Variants in HSH2D observed in about 807,000 individuals in gnomAD.
HSH2D encodes the protein hematopoietic SH2 domain containing, also known as hematopoietic SH2 domain-containing protein.
A neutral mutation model predicts 21.5 loss-of-function variants in HSH2D; 16 were observed. That is an observed-to-expected ratio of 0.74 (90% CI 0.50 to 1.13). The LOEUF (loss-of-function observed/expected upper bound fraction) is 1.13. Ranked by LOEUF, HSH2D falls within the 50% of genes most tolerant of loss-of-function variation. The probability of loss-of-function intolerance (pLI) is 0.00; values close to 1 mark genes in which losing one functional copy is unlikely to be tolerated. For missense variants in HSH2D, 418 were observed against 441.4 expected, an observed-to-expected ratio of 0.95 and a Z score of 0.47; for synonymous variants, 172 against 184.7, an observed-to-expected ratio of 0.93 and a Z score of 0.56.
At chr19:16,154,106 C>T (rs1430336559) in intron 4 of HSH2D, among the ~76,000 whole-genome samples, 2 of 142,536 alleles carry the variant, frequency 1.4e-5, no homozygotes, top group African/African-American at 5.1e-5. Context: ...ACCTAGCGCC[C>T]AAGAAACTGT....
rs530783563 is a variant in HSH2D, at chr19:16,137,276, A to C, written c.-324+3041A>C. ...ATGAGCACAGAGACAGAATAGGCTG[A>C]TATCAGCATCATCACTGTCCTCATC... On this transcript the variant is annotated intron_variant, in intron 1 of 7. Transcript: ENST00000616645. 5.3e-5 allele frequency among the ~76,000 whole-genome samples: 8 copies of C among 152,298 alleles called. No individual in the cohort carries two copies. In the East Asian group the frequency reaches 1.5e-3, roughly 29 times the overall value.
At chr19:16,154,244 G>A (rs562758410) in intron 4 of HSH2D, among the ~76,000 whole-genome samples, 155 bp from the exon 5 acceptor site, 154 of 152,228 alleles carry the variant, frequency 1.0e-3, no homozygotes, top group African/African-American at 3.6e-3. Context: ...AAATGGCTGT[G>A]GGTGGGGCAT....
Position 16,157,582 on chromosome 19 carries a change from C to T in HSH2D, c.847C>T (p.Pro283Ser), listed in dbSNP as rs779157796. ...SLKSPSQPQA[P>S]KDRKVPTRKA... The stretch of plus-strand genomic sequence containing the variant: ...CAAAAGCCCCTCACAGCCCCAGGCA[C>T]CAAAAGACAGAAAGGTCCCCACCAG... Residue 283 changes from proline (P) to serine (S), a missense_variant, in exon 6 of 6, where the codon CCA (proline) becomes TCA (serine). Coordinates refer to ENST00000613986, the MANE Select transcript of HSH2D (RefSeq NM_001382417.1). This position sits in a 1 kb window ranked among gnomAD's most constrained non-coding sequence, Gnocchi z 4.4. 1.2e-6 allele frequency: 2 copies of T among 1,613,916 alleles called. No homozygotes were observed. Among genetic ancestry groups the T allele is most frequent in the South Asian group, 2.2e-5 (2 of 91,086 alleles).
Position 16,154,697 on chromosome 19 carries a change from C to T in HSH2D, c.474+206C>T, listed in dbSNP as rs1205369506. 11 of 447,030 alleles carry T rather than the reference C, an allele frequency of 2.5e-5. No individual in the cohort carries two copies. The Admixed American group carries it at 2.7e-4, about 11-fold the overall frequency. 27.7% of individuals were successfully genotyped at this position (447,030 alleles called of 1,614,324 possible). On this transcript the variant is annotated intron_variant, in intron 5 of 5. Transcript: ENST00000613986. ...CTCTTTCTGCCTGTCACCTACCCAG[C>T]GCCAGCCCTGCTGCCATACCGTCTG...
upstream of HSH2D, chr19:16,139,820 G>A (rs1042236103): frequency 4.6e-5 from 7 of 152,146 alleles, no homozygotes; most frequent in African/African-American, 1.4e-4. Flanking sequence ...TTCTAGCCCC[G>A]TTATCTCCCC....
At position 16,154,341 on chromosome 19, in the gene HSH2D, C is replaced by A. The variant is rs1003644184; in HGVS notation, c.382-58C>A. 7.6e-6 allele frequency: 9 copies of A among 1,177,924 alleles called. No individual in the cohort carries two copies. The Admixed American group carries it at 2.1e-4, about 28-fold the overall frequency. The allele number at this position is 1,177,924 out of a possible 1,614,324, so 73.0% of individuals were successfully genotyped here. A position where few individuals can be genotyped will look rare whatever the true frequency, so the allele number is the denominator to read the frequency against. On this transcript the variant is annotated intron_variant, in intron 4 of 5. Coordinates refer to ENST00000613986, the MANE Select transcript of HSH2D (RefSeq NM_001382417.1). The stretch of plus-strand genomic sequence containing the variant: ...GTCCCTGAGACCTGCCTTCCAGGGT[C>A]CGTGCAGGACCTTTCCCCCTCCCTA...
At chr19:16,152,969 C>A (rs549844115) in intron 3 of HSH2D, 74 bp from the exon 4 acceptor site, 2 of 1,537,024 alleles carry the variant, frequency 1.3e-6, no homozygotes, top group East Asian at 4.8e-5. Flanking sequence ...GTGACGCTGC[C>A]GGCCCAAGGG....
chr19:16,145,574 T>G (rs1008451924), intron 1 of HSH2D, among the ~76,000 whole-genome samples: 8 of 152,194 alleles, frequency 5.3e-5, no homozygotes, highest in African/African-American at 1.9e-4. Flanking sequence ...TTAATACAGT[T>G]ATTTAATTTT....
rs1482302553 is a variant in HSH2D at position 16,157,142 on chromosome 19, A to C, written c.475-68A>C. The C allele has an allele frequency of 3.1e-5, 42 of 1,363,066 alleles. 1 individual carries two copies. In the East Asian group the frequency reaches 1.0e-3, roughly 33 times the overall value. 84.4% of individuals were successfully genotyped at this position (1,363,066 alleles called of 1,614,324 possible). Reference sequence around the variant, plus strand: ...GGTGTCTGGGTGGAACCCAGGCTCCAATTTCTGGGACAGACATGGTGCTCT... The same window carrying C: ...GGTGTCTGGGTGGAACCCAGGCTCCCATTTCTGGGACAGACATGGTGCTCT... On this transcript the variant is annotated intron_variant, in intron 5 of 5. Transcript: ENST00000613986. This position sits in a 1 kb window ranked among gnomAD's most constrained non-coding sequence, Gnocchi z 4.4.
chr19:16,144,687 T>C (rs1357022113), intron 1 of HSH2D, among the ~76,000 whole-genome samples: 1 of 41,134 alleles, frequency 2.4e-5, no homozygotes, highest in Non-Finnish European at 9.9e-5. Flanking sequence ...TTCTAGGCTC[T>C]TTTTTTTTTT....
At chr19:16,143,008 A>G (rs1385278190), upstream of HSH2D, among the ~76,000 whole-genome samples, 1 of 151,448 alleles carries the variant, frequency 6.6e-6, no homozygotes, top group Non-Finnish European at 1.5e-5. Flanking sequence ...GCCTCAAATG[A>G]TCCACCCGCC....
rs774158598 is a variant in HSH2D, at chr19:16,148,888, C to T, written c.125+13C>T. ...CAATCTCAAGAGAGTGAGGACACAC[C>T]CACACCCTCCACCCTGCCCTCCCCA... On this transcript the variant is annotated intron_variant, in intron 2 of 5. Transcript: ENST00000613986. 1 of 1,600,110 alleles carries T rather than the reference C, an allele frequency of 6.2e-7. No individual in the cohort carries two copies. The highest frequency in any genetic ancestry group is 2.2e-5 in the East Asian group (1 of 44,486).
At chr19:16,145,845 G>A (rs1411054298) in intron 1 of HSH2D, among the ~76,000 whole-genome samples, 1 of 152,158 alleles carries the variant, frequency 6.6e-6, no homozygotes, top group African/African-American at 2.4e-5. Flanking sequence ...GGAGGCCAAG[G>A]TGGGTGGATC....
In HSH2D at chr19:16,148,864, A is replaced by C; in HGVS notation, c.114A>C (p.Ala38=). 6.2e-7 allele frequency: 1 copy of C among 1,612,770 alleles called. No individual in the cohort carries two copies. Among genetic ancestry groups the C allele is most frequent in the Non-Finnish European group, 8.5e-7 (1 of 1,179,362 alleles). ...GGGTCCCCGAGTGGTTCCATGGTGC[A>C]ATCTCAAGAGAGTGAGGACACACCC... The part of the protein sequence containing the change: ...QDGVPEWFHG[A]ISREDAENLL... The change falls in exon 2 of 6, where the codon GCA becomes GCC. Residue 38 remains alanine, a synonymous_variant. Transcript: ENST00000613986.
chr19:16,153,172 G>T lies in HSH2D; in HGVS notation c.345G>T (p.Glu115Asp). The T allele has an allele frequency of 6.4e-7, 1 of 1,566,820 alleles. No individual in the cohort carries two copies. Among genetic ancestry groups the T allele is most frequent in the Non-Finnish European group, 8.6e-7 (1 of 1,157,236 alleles). Residue 115 changes from glutamate (E) to aspartate (D), a missense_variant, in exon 4 of 6, where the codon GAG becomes GAT. By Grantham distance (45) the Glu-to-Asp change is conservative. Transcript: ENST00000613986. The stretch of plus-strand genomic sequence containing the variant: ...CCTTCCACCAGCAGAAGCCAATTGA[G>T]CCGCGCAGGGAGCTGCTGACACAGC... ...LVTFHQQKPIEPRRELLTQPC... is the reference protein window; with the variant it reads ...LVTFHQQKPIDPRRELLTQPC...
Position 16,157,097 on chromosome 19 carries a change from G to A in HSH2D, c.475-113G>A. 2 of 793,142 alleles carry A rather than the reference G, an allele frequency of 2.5e-6. No homozygotes were observed. Among genetic ancestry groups the A allele is most frequent in the Non-Finnish European group, 1.9e-6 (1 of 513,964 alleles). The allele number at this position is 793,142 out of a possible 1,614,324, so 49.1% of individuals were successfully genotyped here. ...GGGATCAGGTTTGGGGGTTCACACG[G>A]GGACGTTTCTCAGCCACAGGGTGTC... On this transcript the variant is annotated intron_variant, in intron 5 of 5. Coordinates refer to ENST00000613986, the MANE Select transcript of HSH2D (RefSeq NM_001382417.1). The surrounding 1 kb of genome is among the most constrained non-coding windows in gnomAD (Gnocchi z 4.4).
rs1281076998 is a variant in HSH2D, at chr19:16,153,180, G to A, written c.353G>A (p.Arg118Lys). 1.3e-6 allele frequency: 2 copies of A among 1,559,306 alleles called. No homozygotes were observed. Among genetic ancestry groups the A allele is most frequent in the Non-Finnish European group, 1.7e-6 (2 of 1,153,570 alleles). Residue 118 changes from arginine (R) to lysine (K), a missense_variant, in exon 4 of 6, where the codon AGG becomes AAG. Transcript: ENST00000613986. ...FHQQKPIEPR[R>K]ELLTQPCRQK... Reference sequence around the variant, plus strand: ...CAGCAGAAGCCAATTGAGCCGCGCAGGGAGCTGCTGACACAGCCCTGCAGG... The same window carrying A: ...CAGCAGAAGCCAATTGAGCCGCGCAAGGAGCTGCTGACACAGCCCTGCAGG...
chr19:16,157,856 T>A lies in HSH2D; in HGVS notation c.*62T>A. On this transcript the variant is annotated 3_prime_UTR_variant, in exon 6 of 6. Transcript: ENST00000613986. The surrounding 1 kb of genome is among the most constrained non-coding windows in gnomAD (Gnocchi z 4.4). ...GGGGCTGCCACACTCCTGAATGCCT[T>A]AACATTTCTTCCATGGCCCCACACC... The A allele has an allele frequency of 8.3e-7, 1 of 1,210,974 alleles. No homozygotes were observed. Among genetic ancestry groups the A allele is most frequent in the Non-Finnish European group, 1.1e-6 (1 of 883,888 alleles). The allele number at this position is 1,210,974 out of a possible 1,614,324, so 75.0% of individuals were successfully genotyped here.
chr19:16,152,679 G>A (rs1156993631), intron 3 of HSH2D, 38 bp downstream of exon 3: 1 of 1,484,456 alleles, frequency 6.7e-7, no homozygotes, highest in South Asian at 1.2e-5. Context: ...GGGGCAGGTG[G>A]GCTCTTGGGT....
Sources: allele counts gnomAD v4.1 joint callset (sites outside exome capture counted in the v4.1 genomes callset), GRCh38; gene constraint gnomAD v4.1.1; non-coding constraint Gnocchi (gnomAD v3.1); transcripts MANE v1.5; gene names NCBI Gene and HGNC (gene_info 2026-07-23, HGNC 2026-07-21).